The following C3 variants were observed in gnomAD, a reference collection of about 807,000 sequenced individuals.
C3 encodes complement C3.
A neutral mutation model predicts 207.9 loss-of-function variants in C3; 97 were observed. The observed-to-expected ratio is 0.47, with a 90% confidence interval of 0.40 to 0.55. The LOEUF (loss-of-function observed/expected upper bound fraction) is 0.55. C3 is among the 20% of genes least tolerant of loss of function. The pLI is 0.00. For missense variants in C3, 1,684 were observed against 2,171.7 expected, an observed-to-expected ratio of 0.78 and a Z score of 4.46; for synonymous variants, 848 against 857.6, an observed-to-expected ratio of 0.99 and a Z score of 0.20.
At chr19:6,693,161 G>T in intron 25 of C3, 78 bp from the exon 26 acceptor site, 1 of 1,529,130 alleles carries the variant, frequency 6.5e-7, no homozygotes, top group Non-Finnish European at 9.0e-7. Context: ...TGAGCGTGGG[G>T]GAGGGACCAG....
At position 6,702,220 on chromosome 19, in the gene C3, G is replaced by A. The variant is rs1175264223; in HGVS notation, c.2355-8C>T. The A allele has an allele frequency of 1.3e-6, 2 of 1,568,198 alleles. No homozygotes were observed. The highest frequency in any genetic ancestry group is 1.8e-6 in the Non-Finnish European group (2 of 1,142,640). ...ATGAGCTTCGTAGAGATTCTGGATG[G>A]AGAAGAGGTTGGGGTATTAGGAGAT... On this transcript the variant is annotated splice_polypyrimidine_tract_variant and splice_region_variant and intron_variant, in intron 18 of 40. Transcript: ENST00000245907.
intron 17 of C3, among the ~76,000 whole-genome samples, chr19:6,706,682 C>T (rs1303499751): frequency 2.0e-5 from 3 of 146,534 alleles, no homozygotes; most frequent in South Asian, 4.5e-4. Context: ...ACTCCTCCCC[C>T]CGAGACAGAG....
chr19:6,693,276 C>T (rs1422492202), intron 25 of C3, 136 bp downstream of exon 25: 96 of 1,085,146 alleles, frequency 8.8e-5, no homozygotes, highest in Non-Finnish European at 1.3e-4. Flanking sequence ...ACTCAGCCAG[C>T]GCTTGCCTGG....
chr19:6,684,961 G>A, intron 30 of C3, 27 bp downstream of exon 30: 1 of 1,613,144 alleles, frequency 6.2e-7, no homozygotes, highest in Non-Finnish European at 8.5e-7. Flanking sequence ...CAGCCAGAGT[G>A]AGGAGGGCTT....
rs778590435 is a variant in C3 at position 6,678,443 on chromosome 19, C to A, written c.4643G>T (p.Arg1548Leu). 6.2e-7 allele frequency: 1 copy of A among 1,614,018 alleles called. No homozygotes were observed. Among genetic ancestry groups the A allele is most frequent in the South Asian group, 1.1e-5 (1 of 91,058 alleles). ...ATTGGACAGCTGAACCTTGACCAGT[C>A]GGGTCTTGTACACTGTGGGGGAGAG... ...EPGVDYVYKT[R>L]LVKVQLSNDF... Residue 1548 changes from arginine to leucine, a missense_variant, in exon 39 of 41, where the codon CGA (arginine) becomes CTA (leucine). Physicochemically the swap from Arg to Leu is moderately radical, Grantham distance 102 (BLOSUM62 -2). Transcript: ENST00000245907.
chr19:6,707,349 A>T, intron 16 of C3, 76 bp from the exon 17 acceptor site: 3 of 1,597,888 alleles, frequency 1.9e-6, no homozygotes, highest in Non-Finnish European at 2.6e-6. Context: ...GACGGACCCC[A>T]GGGAGGACTT....
Position 6,691,110 on chromosome 19 carries a change from A to G in C3, c.3391-383T>C, listed in dbSNP as rs563430724. 3.4e-4 allele frequency among the ~76,000 whole-genome samples: 51 copies of G among 149,388 alleles called. No individual in the cohort carries two copies. The South Asian group carries it at 0.011, about 31-fold the overall frequency. ...CTCTTGTTGCCCAGGCTGGAGTGCA[A>G]TGGCGCAATCTCGACTCCCTGCAAC... On this transcript the variant is annotated intron_variant, in intron 26 of 40. Transcript: ENST00000245907.
At chr19:6,711,268 G>A in intron 11 of C3, 72 bp from the exon 12 acceptor site, 2 of 1,285,432 alleles carry the variant, frequency 1.6e-6, no homozygotes, top group Non-Finnish European at 2.2e-6. Context: ...TGAGACCTGG[G>A]AATTGGTGGC....
chr19:6,693,133 G>T (rs1275997559), intron 25 of C3, 50 bp from the exon 26 acceptor site: 1 of 1,601,276 alleles, frequency 6.2e-7, no homozygotes, highest in Non-Finnish European at 8.5e-7. Context: ...TCCAGAGACT[G>T]CCATGTCAAC....
At chr19:6,708,989 C>A (rs916799612) in intron 14 of C3, among the ~76,000 whole-genome samples, 10 of 152,036 alleles carry the variant, frequency 6.6e-5, no homozygotes, top group African/African-American at 2.4e-4. Flanking sequence ...ACCTGGCCTC[C>A]ATTCCAAATC....
rs750016306 is a variant in C3 at position 6,719,408 on chromosome 19, C to T, written c.75-5G>A. 8 of 1,613,434 alleles carry T rather than the reference C, an allele frequency of 5.0e-6. No individual in the cohort carries two copies. Among genetic ancestry groups the T allele is most frequent in the Admixed American group, 1.7e-5 (1 of 59,992 alleles). On this transcript the variant is annotated splice_polypyrimidine_tract_variant and splice_region_variant and intron_variant, in intron 1 of 40. Transcript: ENST00000245907. The surrounding 1 kb of genome is among the most constrained non-coding windows in gnomAD (Gnocchi z 5.4). Reference sequence around the variant, plus strand: ...TTGGGGGTGATGATAGAGTACCTGTCGGAGTGGGGCACGGGAGTGGGCTTG... The same window carrying T: ...TTGGGGGTGATGATAGAGTACCTGTTGGAGTGGGGCACGGGAGTGGGCTTG...
intron 14 of C3, among the ~76,000 whole-genome samples, chr19:6,708,293 T>C (rs560787391): frequency 1.3e-5 from 2 of 152,154 alleles, no homozygotes; most frequent in East Asian, 1.9e-4. Context: ...CATGCCACCA[T>C]GCCCAGCTAA....
Position 6,713,239 on chromosome 19 carries a change from T to G in C3, c.953A>C (p.Asp318Ala). The change falls in exon 9 of 41, where the codon GAC becomes GCC. Residue 318 changes from aspartate to alanine, a missense_variant. Coordinates refer to ENST00000245907, the MANE Select transcript of C3 (RefSeq NM_000064.4). The stretch of plus-strand genomic sequence containing the variant: ...CACGTACAAAGACTTCCCCACCAGG[T>G]CTTCTGCTCGGGGGTTCTGCACCCC... Reference protein sequence around the residue: ...LDGVQNPRAEDLVGKSLYVSA... With the variant: ...LDGVQNPRAEALVGKSLYVSA... 1 of 1,613,566 alleles carries G rather than the reference T, an allele frequency of 6.2e-7. No homozygotes were observed. Among genetic ancestry groups the G allele is most frequent in the Non-Finnish European group, 8.5e-7 (1 of 1,179,966 alleles).
chr19:6,719,364 G>T lies in C3; in HGVS notation c.114C>A (p.Ser38Arg). 1 of 1,613,946 alleles carries T rather than the reference G, an allele frequency of 6.2e-7. No individual in the cohort carries two copies. The highest frequency in any genetic ancestry group is 8.5e-7 in the Non-Finnish European group (1 of 1,179,942). The change falls in exon 2 of 41, where the codon AGC becomes AGA. Residue 38 changes from serine (S) to arginine (R), a missense_variant. Ser to Arg is a moderately radical substitution (Grantham distance 110). Around this residue, in one of 3 missense-constraint regions of C3, gnomAD observed 58 missense variants for 52.5 expected, o/e 1.10. Transcript: ENST00000245907. The surrounding 1 kb of genome is among the most constrained non-coding windows in gnomAD (Gnocchi z 5.4). ...GGGCCTCCAGCACCATGGTCTCCTC[G>T]CTCTCCAGCCGCAAGATGTTGGGGG... is the stretch of plus-strand genomic sequence containing the variant. Reference protein sequence around the residue: ...IITPNILRLESEETMVLEAHD... With the variant: ...IITPNILRLEREETMVLEAHD...
In C3 at chr19:6,712,426, TG is replaced by T; in HGVS notation, c.1120-21del. On this transcript the variant is annotated intron_variant, in intron 10 of 40. Transcript: ENST00000245907. ...GAACACCTGTGATGTGGGGTGCAGG[TG>T]GGGGAAGTTCAGGCAGGCTCAGGGC... is the stretch of plus-strand genomic sequence containing the variant. 3 of 1,614,002 alleles carry T rather than the reference TG, an allele frequency of 1.9e-6. No individual in the cohort carries two copies. Among genetic ancestry groups the T allele is most frequent in the Non-Finnish European group, 2.5e-6 (3 of 1,179,964 alleles).
At chr19:6,703,453 G>A (rs1226123728) in intron 17 of C3, among the ~76,000 whole-genome samples, 2 of 151,962 alleles carry the variant, frequency 1.3e-5, no homozygotes, top group Non-Finnish European at 2.9e-5. Context: ...CTAAAAATAT[G>A]AAAATTAGCC....
At chr19:6,702,651 A>G (rs1379434811) in intron 17 of C3, 72 bp from the exon 18 acceptor site, 5 of 1,080,638 alleles carry the variant, frequency 4.6e-6, no homozygotes, top group Non-Finnish European at 7.2e-6. Context: ...AAATCCCAGC[A>G]CTTAGGGAGG....
Position 6,681,981 on chromosome 19 carries a change from G to A in C3, c.4310C>T (p.Ala1437Val), listed in dbSNP as rs1917876049. 6.2e-7 allele frequency: 1 copy of A among 1,614,054 alleles called. No homozygotes were observed. The highest frequency in any genetic ancestry group is 1.3e-5 in the African/African-American group (1 of 75,056). The part of the protein sequence containing the change: ...RYISKYELDK[A>V]FSDRNTLIIY... ...GATGAGGGTGTTCCTATCGGAGAAG[G>A]CTTTGTCCAGCTCATACTTGGAGAT... The change falls in exon 35 of 41, where the codon GCC (alanine) becomes GTC (valine). Residue 1437 changes from alanine to valine, a missense_variant. Physicochemically the swap from Ala to Val is moderately conservative, Grantham distance 64. This residue lies in a region of C3 where 346 missense variants were observed against 380.1 expected (regional missense o/e 0.91). Transcript: ENST00000245907.
At chr19:6,698,257 C>T (rs1967582282) in intron 19 of C3, among the ~76,000 whole-genome samples, 1 of 152,044 alleles carries the variant, frequency 6.6e-6, no homozygotes, top group South Asian at 2.1e-4. Flanking sequence ...CCTCACGATC[C>T]ACCCGCCTCA....
Sources: allele counts gnomAD v4.1 joint callset (sites outside exome capture counted in the v4.1 genomes callset), GRCh38; gene constraint gnomAD v4.1.1; regional missense constraint gnomAD v4.1.1; non-coding constraint Gnocchi (gnomAD v3.1); transcripts MANE v1.5; gene names NCBI Gene and HGNC (gene_info 2026-07-23, HGNC 2026-07-21).